Variants in FMNL2 observed in about 807,000 individuals in gnomAD.
FMNL2 encodes the protein formin-like protein 2.
In FMNL2, 51 loss-of-function variants were observed where a neutral mutation model predicts 130.2. That is an observed-to-expected ratio of 0.39 (90% confidence interval 0.31 to 0.49). The LOEUF (loss-of-function observed/expected upper bound fraction) is 0.49, where lower values mean the gene tolerates loss of function less well. FMNL2 is among the 20% of genes least tolerant of loss of function. The pLI is 0.85. For synonymous variants in FMNL2, 465 were observed against 467.1 expected, an observed-to-expected ratio of 1.00 and a Z score of 0.06; for missense variants, 977 against 1,316.2, an observed-to-expected ratio of 0.74 and a Z score of 3.99.
intron 15 of FMNL2, among the ~76,000 whole-genome samples, chr2:152,623,522 TA>T (rs137957155): frequency 0.18 from 26,913 of 152,174 alleles, 3,156 homozygotes; most frequent in Non-Finnish European, 0.26. Flanking sequence ...TCCTGCTGTT[TA>T]AATGGCCTTT....
chr2:152,628,487 T>C lies in FMNL2; in HGVS notation c.2354T>C (p.Met785Thr), dbSNP rs1681948063. The C allele has an allele frequency of 6.2e-7, 1 of 1,614,048 alleles. No homozygotes were observed. Among genetic ancestry groups the C allele is most frequent in the East Asian group, 2.2e-5 (1 of 44,884 alleles). The part of the protein sequence containing the change: ...IERLMQKMTI[M>T]AFIGNFAESI... ...AGGCTCATGCAGAAGATGACCATCA[T>C]GGCCTTCATTGGGAACTTTGCTGAA... Residue 785 changes from methionine to threonine, a missense_variant, in exon 18 of 26, where the codon ATG becomes ACG. Around this residue, in one of 4 missense-constraint regions of FMNL2, gnomAD observed 689 missense variants for 995.9 expected, o/e 0.69. Coordinates refer to ENST00000288670, the MANE Select transcript of FMNL2 (RefSeq NM_052905.4).
chr2:152,362,625 G>A (rs963194737), intron 1 of FMNL2, among the ~76,000 whole-genome samples: 2 of 151,780 alleles, frequency 1.3e-5, no homozygotes, highest in African/African-American at 4.8e-5. Flanking sequence ...GGTCCTGAGT[G>A]CCTTGTGGTT....
At position 152,338,333 on chromosome 2, in the gene FMNL2, T is replaced by C. The variant is rs541504897; in HGVS notation, c.117+2613T>C. ...TGGCTAACATCAATAATTAACAGAC[T>C]GTTTCAAGCTAGGAGAACAGTTCCT... On this transcript the variant is annotated intron_variant, in intron 1 of 25. Transcript: ENST00000288670. Among the ~76,000 whole-genome samples the C allele has an allele frequency of 3.0e-4, 46 of 152,312 alleles. 1 individual carries two copies. In the South Asian group the frequency reaches 9.1e-3, roughly 30 times the overall value.
At chr2:152,608,612 G>A (rs73971914) in intron 10 of FMNL2, among the ~76,000 whole-genome samples, 181 of 150,920 alleles carry the variant, frequency 1.2e-3, no homozygotes, top group African/African-American at 4.3e-3. Flanking sequence ...TATGAAACAA[G>A]GGACATTTTT....
At chr2:152,584,374 G>A (rs1403381874) in intron 9 of FMNL2, among the ~76,000 whole-genome samples, 1 of 152,122 alleles carries the variant, frequency 6.6e-6, no homozygotes, top group Non-Finnish European at 1.5e-5. Context: ...TGTTTTTAAA[G>A]CTTTTCATCT....
chr2:152,372,925 G>A (rs1683964417), intron 1 of FMNL2, among the ~76,000 whole-genome samples: 1 of 152,214 alleles, frequency 6.6e-6, no homozygotes, highest in Admixed American at 6.5e-5. Flanking sequence ...GTATCTGGGA[G>A]TTGGAAGATG....
intron 9 of FMNL2, among the ~76,000 whole-genome samples, chr2:152,598,463 TG>T (rs1454244826): frequency 6.6e-6 from 1 of 151,980 alleles, no homozygotes; most frequent in African/African-American, 2.4e-5. Context: ...CTGCGGTGGG[TG>T]GATCACTTGA....
chr2:152,510,150 C>G (rs1322339145), intron 1 of FMNL2, among the ~76,000 whole-genome samples: 2 of 152,152 alleles, frequency 1.3e-5, no homozygotes, highest in African/African-American at 4.8e-5. Flanking sequence ...TAGATAATGA[C>G]TAAATTTGAC....
chr2:152,540,313 T>A (rs1277541199), intron 2 of FMNL2, among the ~76,000 whole-genome samples: 1 of 152,052 alleles, frequency 6.6e-6, no homozygotes, highest in Non-Finnish European at 1.5e-5. Context: ...TCTGATTCCT[T>A]GGTGAGGTGA....
chr2:152,571,998 C>G (rs543614185), intron 6 of FMNL2, among the ~76,000 whole-genome samples: 1 of 152,014 alleles, frequency 6.6e-6, no homozygotes, highest in Non-Finnish European at 1.5e-5. Context: ...AACTGTTTGC[C>G]ACTGAATTCA....
At chr2:152,626,008 A>AT (rs1681758816) in intron 16 of FMNL2, among the ~76,000 whole-genome samples, 2 of 151,640 alleles carry the variant, frequency 1.3e-5, no homozygotes, top group Non-Finnish European at 2.9e-5. Flanking sequence ...ATGTTCACTT[A>AT]TTTTTTTATT....
chr2:152,579,671 C>T (rs2105717004), intron 8 of FMNL2, among the ~76,000 whole-genome samples: 1 of 152,250 alleles, frequency 6.6e-6, no homozygotes, highest in African/African-American at 2.4e-5. Flanking sequence ...GCACTCCGGC[C>T]TGGGTGACAG....
intron 1 of FMNL2, among the ~76,000 whole-genome samples, chr2:152,374,160 A>C (rs189504525): frequency 6.6e-6 from 1 of 152,320 alleles, no homozygotes; most frequent in East Asian, 1.9e-4. Flanking sequence ...CCAAATGAAT[A>C]AAGAGACTTA....
At chr2:152,462,606 GAACA>G (rs1302017200) in intron 1 of FMNL2, among the ~76,000 whole-genome samples, 2 of 152,146 alleles carry the variant, frequency 1.3e-5, no homozygotes, top group Non-Finnish European at 2.9e-5. Flanking sequence ...CTAGGAACAA[GAACA>G]AATAAAGAAG....
At chr2:152,350,412 A>G (rs962724162) in intron 1 of FMNL2, among the ~76,000 whole-genome samples, 2 of 152,164 alleles carry the variant, frequency 1.3e-5, no homozygotes, top group Non-Finnish European at 2.9e-5. Context: ...GGTTTTGTGT[A>G]GTCAGAGTTC....
chr2:152,452,016 T>C (rs1410292066), intron 1 of FMNL2, among the ~76,000 whole-genome samples: 1 of 152,200 alleles, frequency 6.6e-6, no homozygotes, highest in Non-Finnish European at 1.5e-5. Context: ...GCCATTGATT[T>C]GTATGCCCAT....
chr2:152,344,279 G>A (rs1320217054), intron 1 of FMNL2, among the ~76,000 whole-genome samples: 1 of 152,206 alleles, frequency 6.6e-6, no homozygotes, highest in Non-Finnish European at 1.5e-5. Flanking sequence ...AGGTTTGAAT[G>A]TGCAGCCAAG....
At chr2:152,590,705 A>T (rs962599298) in intron 9 of FMNL2, among the ~76,000 whole-genome samples, 1 of 152,020 alleles carries the variant, frequency 6.6e-6, no homozygotes, top group African/African-American at 2.4e-5. Context: ...AAGATAAATC[A>T]TATATAAATA....
intron 4 of FMNL2, among the ~76,000 whole-genome samples, chr2:152,558,489 G>A (rs1695348922): frequency 6.6e-6 from 1 of 152,152 alleles, no homozygotes; most frequent in East Asian, 1.9e-4. Context: ...AATCCTCTAA[G>A]CAGTAAAATG....
Sources: allele counts gnomAD v4.1 joint callset (sites outside exome capture counted in the v4.1 genomes callset), GRCh38; gene constraint gnomAD v4.1.1; regional missense constraint gnomAD v4.1.1; transcripts MANE v1.5; gene names NCBI Gene and HGNC (gene_info 2026-07-23, HGNC 2026-07-21).